The following SLC2A9 variants were observed in gnomAD, a reference collection of about 807,000 sequenced individuals.
SLC2A9 encodes the protein solute carrier family 2, facilitated glucose transporter member 9.
A neutral mutation model predicts 50.6 loss-of-function variants in SLC2A9; 39 were observed. That is an observed-to-expected ratio of 0.77 (90% CI 0.60 to 1.01). The LOEUF is 1.01. Ranked by LOEUF, SLC2A9 falls within the 50% of genes least tolerant of loss-of-function variation. SLC2A9 has a pLI of 0.00. For synonymous variants in SLC2A9, 324 were observed against 276.9 expected, an observed-to-expected ratio of 1.17 and a Z score of -1.69; for missense variants, 686 against 677.6, an observed-to-expected ratio of 1.01 and a Z score of -0.14.
At chr4:9,801,356 G>T (rs1296425503) in intron 3 of SLC2A9, among the ~76,000 whole-genome samples, 1 of 152,206 alleles carries the variant, frequency 6.6e-6, no homozygotes, top group African/African-American at 2.4e-5. Flanking sequence ...ATACAATTTG[G>T]GGGAGTGGTT....
downstream of SLC2A9, among the ~76,000 whole-genome samples, chr4:9,776,797 C>A (rs548045132): frequency 5.9e-5 from 9 of 152,290 alleles, no homozygotes; most frequent in African/African-American, 1.7e-4. Context: ...TAGTTATTGT[C>A]CAGTTCAGAG....
chr4:9,920,446 C>T lies in SLC2A9; in HGVS notation c.941G>A (p.Arg314His), dbSNP rs200894212. ...VLELLRAPYV[R>H]WQVVTVIVTM... is the part of the protein sequence containing the mutation. ...GACAATCACGGTGACCACCTGCCAG[C>T]GGACGTAGGGAGCTCTCAGCAGCTC... The change falls in exon 7 of 12, where the codon CGC becomes CAC. Residue 314 changes from arginine (R) to histidine (H), a missense_variant. By Grantham distance (29) the Arg-to-His change is conservative (BLOSUM62 0). Transcript: ENST00000264784. 1.7e-5 allele frequency: 27 copies of T among 1,614,024 alleles called. No homozygotes were observed. The highest frequency in any genetic ancestry group is 8.9e-5 in the East Asian group (4 of 44,886).
intron 6 of SLC2A9, among the ~76,000 whole-genome samples, chr4:9,937,722 G>A (rs932806839): frequency 7.9e-5 from 12 of 152,184 alleles, no homozygotes; most frequent in African/African-American, 2.9e-4. Flanking sequence ...GTGAGCTGAG[G>A]GCCTCCAGGT....
intron 9 of SLC2A9, among the ~76,000 whole-genome samples, chr4:9,889,912 T>G: frequency 6.6e-6 from 1 of 152,140 alleles, no homozygotes; most frequent in East Asian, 1.9e-4. Flanking sequence ...GAAGCTTATT[T>G]ATTTATATTT....
intron 3 of SLC2A9, among the ~76,000 whole-genome samples, chr4:9,818,555 A>G (rs1107912): frequency 0.46 from 70,480 of 152,068 alleles, 19,389 homozygotes; most frequent in Non-Finnish European, 0.63. Context: ...TACTGAGAGA[A>G]CTTTGGTTAT....
At chr4:9,827,531 T>C (rs367717615) in intron 11 of SLC2A9, among the ~76,000 whole-genome samples, 6 of 152,358 alleles carry the variant, frequency 3.9e-5, no homozygotes, top group African/African-American at 1.4e-4. Flanking sequence ...TTCTTTGATT[T>C]GACAAACATT....
At chr4:9,885,263 C>T (rs926230159) in intron 10 of SLC2A9, among the ~76,000 whole-genome samples, 2 of 152,166 alleles carry the variant, frequency 1.3e-5, no homozygotes, top group African/African-American at 4.8e-5. Context: ...CTCCCTCCAG[C>T]TTGGCATACA....
At chr4:10,026,391 C>T (rs1289472945), upstream of SLC2A9, among the ~76,000 whole-genome samples, 1 of 152,084 alleles carries the variant, frequency 6.6e-6, no homozygotes, top group Non-Finnish European at 1.5e-5. Context: ...GAAATTGGAA[C>T]CCTTGTATAG....
Position 9,826,380 on chromosome 4 carries a change from G to A in SLC2A9, c.*17C>T, listed in dbSNP as rs753127089. 3 of 1,612,522 alleles carry A rather than the reference G, an allele frequency of 1.9e-6. No individual in the cohort carries two copies. Among genetic ancestry groups the A allele is most frequent in the South Asian group, 1.1e-5 (1 of 91,028 alleles). The stretch of plus-strand genomic sequence containing the variant: ...CCTGTTTTTGACATAATTGTCCAAC[G>A]TGGAGGAGGAAACTTGTTAAGGCCT... On this transcript the variant is annotated 3_prime_UTR_variant, in exon 12 of 12. Coordinates refer to ENST00000264784, the MANE Select transcript of SLC2A9 (RefSeq NM_020041.3).
intron 2 of SLC2A9, among the ~76,000 whole-genome samples, chr4:10,002,812 C>A (rs966782502): frequency 6.6e-6 from 1 of 152,058 alleles, no homozygotes; most frequent in African/African-American, 2.4e-5. Context: ...AAGATTGCGC[C>A]ACTGCACTCC....
chr4:9,815,136 T>C (rs1197854097), intron 3 of SLC2A9, among the ~76,000 whole-genome samples: 1 of 152,154 alleles, frequency 6.6e-6, no homozygotes, highest in Non-Finnish European at 1.5e-5. Flanking sequence ...TGAAAATATT[T>C]ATGCAAACTT....
Position 9,928,818 on chromosome 4 carries a change from TTC to T in SLC2A9, c.815-8248_815-8247del, listed in dbSNP as rs757297056. On this transcript the variant is annotated intron_variant, in intron 6 of 11. Transcript: ENST00000264784. ...AAACTTGCAAGCAGTTTAAAAAACT[TTC>T]TGTTTAAACATATTCCGAATGAAAA... 3.9e-4 allele frequency among the ~76,000 whole-genome samples: 59 copies of T among 152,202 alleles called. 1 individual carries two copies. The highest frequency in any genetic ancestry group is 1.5e-4 in the Non-Finnish European group (10 of 68,030).
chr4:9,928,513 C>T (rs573098189), intron 6 of SLC2A9, among the ~76,000 whole-genome samples: 28 of 152,332 alleles, frequency 1.8e-4, no homozygotes, highest in Non-Finnish European at 3.5e-4. Context: ...AGGCAGATCA[C>T]CCGAGGTCAG....
downstream of SLC2A9, among the ~76,000 whole-genome samples, chr4:9,824,795 G>A (rs2109065951): frequency 6.6e-6 from 1 of 152,216 alleles, no homozygotes; most frequent in Admixed American, 6.5e-5. Flanking sequence ...AAAAAGCTAA[G>A]ACTTTTATTT....
At chr4:9,776,549 G>A (rs1278989242), downstream of SLC2A9, among the ~76,000 whole-genome samples, 1 of 151,974 alleles carries the variant, frequency 6.6e-6, no homozygotes, top group African/African-American at 2.4e-5. Flanking sequence ...ATGCTGCCTG[G>A]TGCTCCAGGG....
chr4:9,989,014 T>C (rs1560445101), intron 3 of SLC2A9, among the ~76,000 whole-genome samples: 1 of 152,240 alleles, frequency 6.6e-6, no homozygotes, highest in Non-Finnish European at 1.5e-5. Context: ...CCTATGGAAA[T>C]AATGTATCTC....
At chr4:9,894,729 T>C (rs1419779211) in intron 8 of SLC2A9, among the ~76,000 whole-genome samples, 1 of 152,218 alleles carries the variant, frequency 6.6e-6, no homozygotes, top group Non-Finnish European at 1.5e-5. Context: ...ATGAAGGTTG[T>C]TCATAACTGG....
At chr4:10,025,777 T>C, upstream of SLC2A9, 1 of 858,960 alleles carries the variant, frequency 1.2e-6, no homozygotes, top group Non-Finnish European at 1.9e-6. Flanking sequence ...GGCTTTCAGC[T>C]GCTGCTCACT....
At chr4:9,880,407 G>A in intron 10 of SLC2A9, 1 of 985,466 alleles carries the variant, frequency 1.0e-6, no homozygotes, top group Admixed American at 6.1e-5. Flanking sequence ...TCCCTCCAGG[G>A]AGTCCCATAG....
Sources: allele counts gnomAD v4.1 joint callset (sites outside exome capture counted in the v4.1 genomes callset), GRCh38; gene constraint gnomAD v4.1.1; transcripts MANE v1.5; gene names NCBI Gene and HGNC (gene_info 2026-07-23, HGNC 2026-07-21).